Variants in MAPRE3 observed in about 807,000 individuals in gnomAD.
The protein encoded by MAPRE3 is microtubule-associated protein RP/EB family member 3.
Under a neutral mutation model 30.5 loss-of-function variants are expected in MAPRE3, and 2 were observed. That is an observed-to-expected ratio of 0.07 (90% CI 0.03 to 0.21). The LOEUF is 0.21. MAPRE3 is among the 10% of genes least tolerant of loss of function. The pLI, the probability that MAPRE3 is intolerant of heterozygous loss-of-function variation, is 1.00. For synonymous variants in MAPRE3, 110 were observed against 127.7 expected (o/e 0.86, Z 0.93); for missense variants, 204 against 351.8 (o/e 0.58, Z 3.36).
At chr2:26,992,520 C>T (rs543264611) in intron 1 of MAPRE3, among the ~76,000 whole-genome samples, 18 of 149,250 alleles carry the variant, frequency 1.2e-4, no homozygotes, top group Admixed American at 8.8e-4. Flanking sequence ...CCACTGCACC[C>T]GGCCCAGATA....
At chr2:26,984,241 A>G (rs1303198948) in intron 1 of MAPRE3, among the ~76,000 whole-genome samples, 1 of 152,242 alleles carries the variant, frequency 6.6e-6, no homozygotes, top group East Asian at 1.9e-4. Context: ...GATGACAAAT[A>G]TAATTCAAAA....
chr2:26,997,215 A>G (rs1006497803), intron 1 of MAPRE3, among the ~76,000 whole-genome samples: 1 of 152,172 alleles, frequency 6.6e-6, no homozygotes, highest in Non-Finnish European at 1.5e-5. Flanking sequence ...TGGTTTCAGA[A>G]TGAAATTTCC....
intron 1 of MAPRE3, among the ~76,000 whole-genome samples, chr2:27,016,960 T>C (rs1307885883): frequency 6.6e-6 from 1 of 151,860 alleles, no homozygotes; most frequent in Non-Finnish European, 1.5e-5. Flanking sequence ...GCTCCCAATT[T>C]GAGCTCTAAA....
At position 27,026,549 on chromosome 2, in the gene MAPRE3, T is replaced by C. The variant is rs1667249570; in HGVS notation, c.*201T>C. On this transcript the variant is annotated 3_prime_UTR_variant, in exon 7 of 7. Transcript: ENST00000233121. ...CCGTCCTGGGTGGTGCTGGCCCAGT[T>C]GGTGGGACCCCTGTCCACACCCACC... 1.9e-6 allele frequency: 1 copy of C among 521,986 alleles called. No homozygotes were observed. The highest frequency in any genetic ancestry group is 2.0e-5 in the African/African-American group (1 of 50,606). 32.3% of individuals were successfully genotyped at this position (521,986 alleles called of 1,614,324 possible).
intron 1 of MAPRE3, among the ~76,000 whole-genome samples, chr2:27,008,262 A>C (rs1008997936): frequency 6.6e-6 from 1 of 152,160 alleles, no homozygotes; most frequent in Admixed American, 6.5e-5. Flanking sequence ...TAAGGCCACA[A>C]ATTTTAGTGA....
chr2:27,000,894 C>A (rs1351870477), intron 1 of MAPRE3, among the ~76,000 whole-genome samples: 1 of 152,218 alleles, frequency 6.6e-6, no homozygotes, highest in Admixed American at 6.5e-5. Flanking sequence ...GCTGCCTGAC[C>A]ACAAGATTTA....
At chr2:27,012,412 G>A (rs1259720340) in intron 1 of MAPRE3, 1 of 152,202 alleles carries the variant, frequency 6.6e-6, no homozygotes, top group Non-Finnish European at 1.5e-5. Flanking sequence ...GCCAGTGGTT[G>A]ATCTTGAACT....
intron 1 of MAPRE3, among the ~76,000 whole-genome samples, chr2:26,987,843 T>G (rs1354256525): frequency 2.0e-5 from 3 of 152,188 alleles, no homozygotes; most frequent in Admixed American, 2.0e-4. Flanking sequence ...CCTACATGCT[T>G]GTGAAACACT....
At chr2:26,993,892 T>A (rs1293792247) in intron 1 of MAPRE3, among the ~76,000 whole-genome samples, 1 of 152,206 alleles carries the variant, frequency 6.6e-6, no homozygotes, top group Non-Finnish European at 1.5e-5. Flanking sequence ...GATGGATGTC[T>A]TGAGAACCAT....
intron 1 of MAPRE3, among the ~76,000 whole-genome samples, chr2:26,972,414 A>G (rs1665932959): frequency 6.6e-6 from 1 of 152,374 alleles, no homozygotes; most frequent in East Asian, 1.9e-4. Flanking sequence ...ACAGTAGCCA[A>G]GACGGCTGTC....
At chr2:26,990,961 AC>A (rs1666325245) in intron 1 of MAPRE3, among the ~76,000 whole-genome samples, 1 of 152,208 alleles carries the variant, frequency 6.6e-6, no homozygotes, top group South Asian at 2.1e-4. Flanking sequence ...TACTTACTGA[AC>A]TTAAGAGATC....
intron 1 of MAPRE3, among the ~76,000 whole-genome samples, chr2:26,997,367 T>C (rs1048149027): frequency 3.9e-5 from 6 of 152,294 alleles, no homozygotes; most frequent in African/African-American, 1.4e-4. Flanking sequence ...TGTGATTTTT[T>C]TTTTTAGCTC....
At chr2:26,995,028 C>T (rs914905045) in intron 1 of MAPRE3, among the ~76,000 whole-genome samples, 4 of 151,902 alleles carry the variant, frequency 2.6e-5, no homozygotes, top group Admixed American at 1.3e-4. Flanking sequence ...TTGCTCAAGA[C>T]GGAATCTCAC....
At chr2:26,976,663 T>C (rs925857072) in intron 1 of MAPRE3, among the ~76,000 whole-genome samples, 1 of 152,222 alleles carries the variant, frequency 6.6e-6, no homozygotes, top group East Asian at 1.9e-4. Flanking sequence ...TTGCCTCAAG[T>C]AAATAAGGAC....
At chr2:27,016,772 C>T (rs952937105) in intron 1 of MAPRE3, among the ~76,000 whole-genome samples, 1 of 152,200 alleles carries the variant, frequency 6.6e-6, no homozygotes, top group African/African-American at 2.4e-5. Flanking sequence ...CCCCCAGCAG[C>T]TGGTCTGGTG....
At chr2:27,008,386 C>G (rs927168432) in intron 1 of MAPRE3, among the ~76,000 whole-genome samples, 17 of 152,030 alleles carry the variant, frequency 1.1e-4, no homozygotes, top group African/African-American at 4.1e-4. Flanking sequence ...CCTAGAAGTT[C>G]AAGACCAGAC....
intron 1 of MAPRE3, among the ~76,000 whole-genome samples, chr2:26,977,174 T>A (rs1049185986): frequency 1.6e-4 from 25 of 152,156 alleles, no homozygotes; most frequent in African/African-American, 5.6e-4. Context: ...AAGTCATAAG[T>A]GATTGAGTAA....
intron 4 of MAPRE3, among the ~76,000 whole-genome samples, chr2:27,024,656 C>T (rs948195004): frequency 2.0e-5 from 3 of 152,196 alleles, no homozygotes; most frequent in Non-Finnish European, 2.9e-5. Flanking sequence ...AGCCTGGTGC[C>T]AGCACCACAG....
chr2:27,025,458 G>T (rs971917265), intron 4 of MAPRE3, 125 bp from the exon 5 acceptor site: 2 of 949,758 alleles, frequency 2.1e-6, no homozygotes, highest in Non-Finnish European at 3.1e-6. Context: ...CCTGGGGTGG[G>T]GGCAGGGGGG....
Sources: allele counts gnomAD v4.1 joint callset (sites outside exome capture counted in the v4.1 genomes callset), GRCh38; gene constraint gnomAD v4.1.1; transcripts MANE v1.5; gene names NCBI Gene and HGNC (gene_info 2026-07-23, HGNC 2026-07-21).